The following TBCE variants were observed in gnomAD, a reference collection of about 807,000 sequenced individuals.
TBCE encodes tubulin folding cofactor E.
TBCE carries 53 observed loss-of-function variants against 77.0 expected under a neutral mutation model. That is an observed-to-expected ratio of 0.69 (90% CI 0.55 to 0.87). The LOEUF (loss-of-function observed/expected upper bound fraction) is 0.87. TBCE is among the 40% of genes least tolerant of loss of function. The pLI, the probability that TBCE is intolerant of heterozygous loss-of-function variation, is 0.00. For synonymous variants in TBCE, 235 were observed against 241.3 expected (o/e 0.97, Z 0.24); for missense variants, 624 against 622.4 (o/e 1.00, Z -0.03).
chr1:235,382,176 G>A (rs1189985440), intron 2 of TBCE, among the ~76,000 whole-genome samples: 2 of 150,912 alleles, frequency 1.3e-5, no homozygotes, highest in African/African-American at 4.9e-5. Context: ...AGTATTCCAT[G>A]GTGTATATGT....
intron 8 of TBCE, among the ~76,000 whole-genome samples, chr1:235,435,179 C>G (rs988704954): frequency 6.6e-6 from 1 of 152,078 alleles, no homozygotes; most frequent in Non-Finnish European, 1.5e-5. Flanking sequence ...CGGCTCACTG[C>G]AACCTCCACC....
At chr1:235,382,246 G>T (rs1446487544) in intron 2 of TBCE, among the ~76,000 whole-genome samples, 1 of 151,768 alleles carries the variant, frequency 6.6e-6, no homozygotes. Context: ...CCAAGTCTTT[G>T]CTATTGTGAA....
At chr1:235,448,283 C>CAT in intron 15 of TBCE, 66 bp from the exon 16 acceptor site, 1 of 1,191,838 alleles carries the variant, frequency 8.4e-7, no homozygotes, top group Non-Finnish European at 1.2e-6. Context: ...GGTCTCATCA[C>CAT]ATGAGCTAGT....
In TBCE at chr1:235,451,267, G is replaced by C. The variant is rs1359651098; in HGVS notation, c.*2505G>C. ...ATGGAAAGGAGTCTCTCTCCCCTCA[G>C]TGCCTACCCACAGCTTGCACTTAGG... On this transcript the variant is annotated 3_prime_UTR_variant, in exon 17 of 17. Transcript: ENST00000642610. 2.6e-5 allele frequency: 4 copies of C among 152,304 alleles called. No homozygotes were observed. The East Asian group carries it at 5.8e-4, about 22-fold the overall frequency. 9.4% of individuals were successfully genotyped at this position (152,304 alleles called of 1,614,324 possible). A position where few individuals can be genotyped will look rare whatever the true frequency, so the allele number is the denominator to read the frequency against.
At chr1:235,422,228 C>A (rs758874511) in intron 5 of TBCE, among the ~76,000 whole-genome samples, 1 of 152,148 alleles carries the variant, frequency 6.6e-6, no homozygotes. Context: ...GATTGGTAAT[C>A]GGGCTGTGTA....
chr1:235,400,408 C>CTTTTTTTTTCTTTTTTTTTTTTTTTTTT (rs1679023385), intron 2 of TBCE, among the ~76,000 whole-genome samples: 1 of 106,050 alleles, frequency 9.4e-6, no homozygotes, highest in African/African-American at 4.3e-5. Flanking sequence ...TATTTTTCCT[C>CTTTTTTTTTCTTTTTTTTTTTTTTTTTT]TTTTTTTTTT....
At chr1:235,444,229 TTTTA>T (rs1237732072) in intron 15 of TBCE, among the ~76,000 whole-genome samples, 2 of 152,178 alleles carry the variant, frequency 1.3e-5, no homozygotes, top group African/African-American at 2.4e-5. Flanking sequence ...ACGTCTCCAT[TTTTA>T]TTTATTCACA....
At chr1:235,373,881 C>T (rs1677133213) in intron 1 of TBCE, among the ~76,000 whole-genome samples, 1 of 145,942 alleles carries the variant, frequency 6.9e-6, no homozygotes, top group Non-Finnish European at 1.5e-5. Context: ...GATCTCCTGA[C>T]CTCGTGATCC....
chr1:235,434,036 A>C, intron 7 of TBCE, 168 bp from the exon 8 acceptor site: 1 of 675,302 alleles, frequency 1.5e-6, no homozygotes, highest in Non-Finnish European at 2.7e-6. Flanking sequence ...CATTTTATTT[A>C]TCACCCCCCA....
At chr1:235,405,905 G>C (rs567695168) in intron 3 of TBCE, among the ~76,000 whole-genome samples, 6 of 152,122 alleles carry the variant, frequency 3.9e-5, no homozygotes, top group Non-Finnish European at 8.8e-5. Context: ...GCTCCAGTGT[G>C]ATTATGGGAC....
rs571806634 is a variant in TBCE at position 235,425,245 on chromosome 1, C to T, written c.461-1895C>T. On this transcript the variant is annotated intron_variant, in intron 5 of 16. Coordinates refer to ENST00000642610, the MANE Select transcript of TBCE (RefSeq NM_003193.5). ...TTTTCCCTCTTAATAAATGACAGTT[C>T]CATTTGCACAGGCCACAGATCTTGG... 2.0e-5 allele frequency among the ~76,000 whole-genome samples: 3 copies of T among 152,276 alleles called. No homozygotes were observed. In the East Asian group the frequency reaches 5.8e-4, roughly 29 times the overall value.
intron 4 of TBCE, chr1:235,416,070 G>A (rs1462717315): frequency 6.7e-6 from 1 of 149,804 alleles, no homozygotes; most frequent in Non-Finnish European, 1.5e-5. Context: ...TTGGGAGGCT[G>A]AGGCAAGAGA....
intron 9 of TBCE, chr1:235,436,120 T>G: frequency 1.7e-6 from 1 of 601,396 alleles, no homozygotes; most frequent in South Asian, 2.0e-5. Context: ...CTCCGGGCAG[T>G]AGACCGTGTC....
chr1:235,441,729 A>C, intron 13 of TBCE, 85 bp from the exon 14 acceptor site: 1 of 1,277,542 alleles, frequency 7.8e-7, no homozygotes, highest in African/African-American at 1.5e-5. Context: ...CTGGACGCTT[A>C]CCTATCCTTT....
Position 235,451,672 on chromosome 1 carries a change from T to C in TBCE, c.*2910T>C, listed in dbSNP as rs1215127791. On this transcript the variant is annotated 3_prime_UTR_variant, in exon 17 of 17. Coordinates refer to ENST00000642610, the MANE Select transcript of TBCE (RefSeq NM_003193.5). The stretch of plus-strand genomic sequence containing the variant: ...CAAAGTGGACCATGTAGATGTGGGT[T>C]GATTTCTTGTCCTGGACTGAGAGCT... 1 of 152,214 alleles carries C rather than the reference T, an allele frequency of 6.6e-6. No individual in the cohort carries two copies. Among genetic ancestry groups the C allele is most frequent in the Non-Finnish European group, 1.5e-5 (1 of 68,038 alleles). The allele number at this position is 152,214 out of a possible 1,614,324, so 9.4% of individuals were successfully genotyped here.
At chr1:235,414,341 T>C in intron 3 of TBCE, 92 bp from the exon 4 acceptor site, 2 of 1,227,330 alleles carry the variant, frequency 1.6e-6, no homozygotes, top group South Asian at 2.5e-5. Flanking sequence ...TTTTTTAGCA[T>C]GTAGAAATTT....
At chr1:235,442,008 A>AT (rs376999568) in intron 14 of TBCE, 126 bp downstream of exon 14, 44,414 of 584,694 alleles carry the variant, frequency 0.076, 7 homozygotes, top group East Asian at 0.099. Context: ...TTAAATGAAA[A>AT]TTTTTTTTTT....
In TBCE at chr1:235,449,658, T is replaced by G. The variant is rs1466064136; in HGVS notation, c.*896T>G. 4 of 152,740 alleles carry G rather than the reference T, an allele frequency of 2.6e-5. No individual in the cohort carries two copies. Among genetic ancestry groups the G allele is most frequent in the Admixed American group, 6.5e-5 (1 of 15,352 alleles). The allele number at this position is 152,740 out of a possible 1,614,324, so 9.5% of individuals were successfully genotyped here. On this transcript the variant is annotated 3_prime_UTR_variant, in exon 17 of 17. Transcript: ENST00000642610. ...CTTCAAGTTAGTTCAAGTTGCCCAC[T>G]TCAGAGATCCACAAAATCTGACATT...
In TBCE at chr1:235,399,784, G is replaced by A. The variant is rs375186107; in HGVS notation, c.101-1719G>A. On this transcript the variant is annotated intron_variant, in intron 2 of 16. Coordinates refer to ENST00000642610, the MANE Select transcript of TBCE (RefSeq NM_003193.5). The stretch of plus-strand genomic sequence containing the variant: ...GAACCCCAGCTGTTTGAAGCTGGTC[G>A]GTCAGAAGTTCCAGACGCCCAGGCT... Among the ~76,000 whole-genome samples, 5 of 152,292 alleles carry A rather than the reference G, an allele frequency of 3.3e-5. No homozygotes were observed. In the South Asian group the frequency reaches 8.3e-4, roughly 25 times the overall value.
Sources: gnomAD v4.1 joint callset for allele counts (sites outside exome capture counted in the v4.1 genomes callset) on GRCh38, gnomAD v4.1.1 for gene constraint, MANE v1.5 for transcripts, NCBI Gene and HGNC (gene_info 2026-07-23, HGNC 2026-07-21) for gene names.